Variants in LONP1 observed in about 807,000 individuals in gnomAD.
LONP1 encodes lon peptidase 1, mitochondrial, also known as lon protease homolog, mitochondrial.
In LONP1, 31 loss-of-function variants were observed where a neutral mutation model predicts 98.5. That is an observed-to-expected ratio of 0.31 (90% CI 0.24 to 0.42). The LOEUF is 0.42. Ranked by LOEUF, LONP1 falls within the 20% of genes least tolerant of loss-of-function variation. LONP1 has a pLI of 1.00. For missense variants in LONP1, 1,336 were observed against 1,350.6 expected (o/e 0.99, Z 0.17); for synonymous variants, 781 against 594.7 (o/e 1.31, Z -4.56).
chr19:5,719,689 G>C lies in LONP1; in HGVS notation c.429+15C>G, dbSNP rs771912257. On this transcript the variant is annotated intron_variant, in intron 1 of 17. Coordinates refer to ENST00000360614, the MANE Select transcript of LONP1 (RefSeq NM_004793.4). ...CAGGTGGGAAACCTGAGGCCGAGGCGGGGACTCCCATTACCTCGATAATCT... is the reference window on the plus strand; with the variant it reads ...CAGGTGGGAAACCTGAGGCCGAGGCCGGGACTCCCATTACCTCGATAATCT... 2 of 1,613,566 alleles carry C rather than the reference G, an allele frequency of 1.2e-6. No homozygotes were observed. The highest frequency in any genetic ancestry group is 1.1e-5 in the South Asian group (1 of 91,080).
rs3082272 is a variant in LONP1 at position 5,716,259 on chromosome 19, C to CATATATATATATATATATATATAT, written c.430-2012_430-1989dup. ...TATTATATAATAAAGTTAAAATATA[C>CATATATATATATATATATATATAT]ATATATATATATATATATATATATA... is the stretch of plus-strand genomic sequence containing the variant. On this transcript the variant is annotated intron_variant, in intron 1 of 17. Transcript: ENST00000360614. 2.1e-4 allele frequency among the ~76,000 whole-genome samples: 16 copies of CATATATATATATATATATATATAT among 77,222 alleles called. 1 individual carries two copies. Among genetic ancestry groups the CATATATATATATATATATATATAT allele is most frequent in the Admixed American group, 4.6e-4 (3 of 6,526 alleles). 50.7% of individuals were successfully genotyped at this position (77,222 alleles called of 152,430 possible). A position where few individuals can be genotyped will look rare whatever the true frequency, so the allele number is the denominator to read the frequency against.
In LONP1 at chr19:5,696,294, G is replaced by C. The variant is rs1464121297; in HGVS notation, c.1851C>G (p.Ala617=). 2 of 1,613,310 alleles carry C rather than the reference G, an allele frequency of 1.2e-6. No individual in the cohort carries two copies. Among genetic ancestry groups the C allele is most frequent in the Non-Finnish European group, 1.7e-6 (2 of 1,179,904 alleles). ...LLELLDPEQN[A]NFLDHYLDVP... is the part of the protein sequence containing the mutation. ...CGTCCAGGTAGTGGTCCAGGAAGTT[G>C]GCATTCTGCTCTGGGTCCAGCAGCT... The change falls in exon 12 of 18, where the codon GCC becomes GCG. Residue 617 remains alanine, a synonymous_variant. Transcript: ENST00000360614.
At chr19:5,700,512 G>A (rs908558544) in intron 9 of LONP1, among the ~76,000 whole-genome samples, 1 of 152,148 alleles carries the variant, frequency 6.6e-6, no homozygotes, top group Admixed American at 6.5e-5. Context: ...AACTTCCTGG[G>A]CTCAAGTGAT....
At chr19:5,702,310 C>T (rs1184502416) in intron 8 of LONP1, among the ~76,000 whole-genome samples, 6 of 120,906 alleles carry the variant, frequency 5.0e-5, no homozygotes, top group South Asian at 2.7e-4. Context: ...GAGGTGGAGG[C>T]GTCAGCCCCC....
chr19:5,720,176 C>T (rs2055417456), upstream of LONP1: 1 of 1,384,758 alleles, frequency 7.2e-7, no homozygotes, highest in Admixed American at 3.5e-5. Context: ...GTCATTTCCG[C>T]TCGCCGCGAA....
intron 5 of LONP1, 177 bp from the exon 6 acceptor site, chr19:5,708,003 T>C: frequency 1.4e-6 from 1 of 735,088 alleles, no homozygotes; most frequent in South Asian, 1.9e-5. Context: ...GGCCCACCCG[T>C]CCTGGGCTGG....
intron 16 of LONP1, 30 bp from the exon 17 acceptor site, chr19:5,693,492 G>A (rs755587670): frequency 1.2e-6 from 2 of 1,611,692 alleles, no homozygotes; most frequent in South Asian, 1.1e-5. Flanking sequence ...TAGTGGGTGA[G>A]CAGGTGGCCA....
chr19:5,706,307 A>T (rs2034022066), intron 7 of LONP1, among the ~76,000 whole-genome samples: 1 of 152,068 alleles, frequency 6.6e-6, no homozygotes, highest in Non-Finnish European at 1.5e-5. Context: ...CTCTAATTTT[A>T]AAATTTTTTG....
In LONP1 at chr19:5,694,857, C is replaced by T. The variant is rs1314086142; in HGVS notation, c.2058G>A (p.Glu686=). The T allele has an allele frequency of 6.2e-7, 1 of 1,602,636 alleles. No individual in the cohort carries two copies. The highest frequency in any genetic ancestry group is 8.5e-7 in the Non-Finnish European group (1 of 1,171,698). The change falls in exon 14 of 18, where the codon GAG becomes GAA. Residue 686 remains glutamate, a synonymous_variant. Transcript: ENST00000360614. Reference sequence around the variant, plus strand: ...CGTCCGATGACAGCTTGGCCTTGCTCTCATCCAAGCCACACAGGGCGCGAG... The same window carrying T: ...CGTCCGATGACAGCTTGGCCTTGCTTTCATCCAAGCCACACAGGGCGCGAG... ...PQARALCGLD[E]SKAKLSSDVL...
At chr19:5,712,191 C>G (rs969629456) in intron 3 of LONP1, 189 bp from the exon 4 acceptor site, 78 of 575,698 alleles carry the variant, frequency 1.4e-4, no homozygotes, top group Non-Finnish European at 3.7e-5. Flanking sequence ...ACCAGTGTCC[C>G]CTCCACCCCT....
chr19:5,709,773 G>A (rs962970412), intron 4 of LONP1, among the ~76,000 whole-genome samples: 1 of 151,584 alleles, frequency 6.6e-6, no homozygotes, highest in Admixed American at 6.6e-5. Flanking sequence ...TTAGCCGGGT[G>A]TGGTGGCGGG....
At chr19:5,702,587 G>GGGGGAACGGC (rs1555711432) in intron 8 of LONP1, among the ~76,000 whole-genome samples, 5 of 150,622 alleles carry the variant, frequency 3.3e-5, no homozygotes, top group African/African-American at 1.2e-4. Flanking sequence ...GAATAGAAAA[G>GGGGGAACGGC]GGGGAAAGGA....
chr19:5,717,240 A>G (rs992260634), intron 1 of LONP1: 2 of 152,252 alleles, frequency 1.3e-5, no homozygotes, highest in African/African-American at 4.8e-5. Flanking sequence ...AGACAAGTCA[A>G]GTACAAACTG....
rs769035280 is a variant in LONP1, at chr19:5,693,623, C to T, written c.2467G>A (p.Ala823Thr). 122 of 1,614,082 alleles carry T rather than the reference C, an allele frequency of 7.6e-5. No homozygotes were observed. Among genetic ancestry groups the T allele is most frequent in the Non-Finnish European group, 1.0e-4 (118 of 1,179,984 alleles). Reference sequence around the variant, plus strand: ...GCGGGGGCGTGCTGCATGAGGAAGGCTCTGGCGAAGGTGTAGGCTATGCGG... The same window carrying T: ...GCGGGGGCGTGCTGCATGAGGAAGGTTCTGGCGAAGGTGTAGGCTATGCGG... ...SARIAYTFARAFLMQHAPAND... is the reference protein window; with the variant it reads ...SARIAYTFARTFLMQHAPAND... Residue 823 changes from alanine (A) to threonine (T), a missense_variant, in exon 16 of 18, where the codon GCC becomes ACC. Around this residue, in one of 5 missense-constraint regions of LONP1, gnomAD observed 555 missense variants for 542.6 expected, o/e 1.02. Coordinates refer to ENST00000360614, the MANE Select transcript of LONP1 (RefSeq NM_004793.4).
chr19:5,714,393 C>T, intron 1 of LONP1, 122 bp from the exon 2 acceptor site: 1 of 669,238 alleles, frequency 1.5e-6, no homozygotes, highest in Non-Finnish European at 2.6e-6. Context: ...ACCTCCACCC[C>T]CACTGAGTTC....
chr19:5,705,397 G>A (rs2055127965), intron 8 of LONP1, among the ~76,000 whole-genome samples: 1 of 149,382 alleles, frequency 6.7e-6, no homozygotes, highest in Non-Finnish European at 1.5e-5. Flanking sequence ...AGCGGAAGTT[G>A]CAGTGAGCCA....
rs2054862857 is a variant in LONP1, at chr19:5,693,239, C to A, written c.2703+59G>T. On this transcript the variant is annotated intron_variant, in intron 17 of 17. Coordinates refer to ENST00000360614, the MANE Select transcript of LONP1 (RefSeq NM_004793.4). ...CAGAGGTTGCATGGCGGGGACTGGG[C>A]CTGTCCCGTGGTGGTGTGGGCCCTG... 3.2e-6 allele frequency: 5 copies of A among 1,556,108 alleles called. No individual in the cohort carries two copies. In the African/African-American group the frequency reaches 5.4e-5, roughly 17 times the overall value.
At chr19:5,707,460 C>T (rs1348897102) in intron 6 of LONP1, among the ~76,000 whole-genome samples, 2 of 152,176 alleles carry the variant, frequency 1.3e-5, no homozygotes, top group Non-Finnish European at 2.9e-5. Flanking sequence ...GACTCCCAAC[C>T]GAAGGCTATG....
At chr19:5,696,998 G>C (rs930180808) in intron 10 of LONP1, among the ~76,000 whole-genome samples, 1 of 152,190 alleles carries the variant, frequency 6.6e-6, no homozygotes, top group African/African-American at 2.4e-5. Context: ...ATCTCCCTCA[G>C]TCCCATCCCT....
Sources: gnomAD v4.1 joint callset for allele counts (sites outside exome capture counted in the v4.1 genomes callset) on GRCh38, gnomAD v4.1.1 for gene constraint, gnomAD v4.1.1 regional missense constraint, MANE v1.5 for transcripts, NCBI Gene and HGNC (gene_info 2026-07-23, HGNC 2026-07-21) for gene names.